OSCP1: variants seen among roughly 807,000 people sequenced by gnomAD.
OSCP1 encodes the protein organic solute carrier partner 1, also known as protein OSCP1.
A neutral mutation model predicts 45.1 loss-of-function variants in OSCP1; 35 were observed. The ratio of observed to expected loss-of-function variants is 0.78; its 90% CI spans 0.59 to 1.03. OSCP1 has a LOEUF of 1.03. Among genes scored for constraint, OSCP1 ranks in the 50% least tolerant of loss-of-function variants. OSCP1 has a pLI of 0.00. For synonymous variants in OSCP1, 179 were observed against 180.1 expected (o/e 0.99, Z 0.05); for missense variants, 400 against 470.7 (o/e 0.85, Z 1.39).
At chr1:36,431,582 C>T (rs1052422840) in intron 4 of OSCP1, among the ~76,000 whole-genome samples, 2 of 151,260 alleles carry the variant, frequency 1.3e-5, no homozygotes, top group Non-Finnish European at 2.9e-5. Flanking sequence ...TTCCAAGAAA[C>T]TCACAAGGTA....
chr1:36,418,679 G>T, intron 9 of OSCP1: 2 of 348,300 alleles, frequency 5.7e-6, no homozygotes, highest in South Asian at 9.7e-5. Context: ...CACTTTGGGA[G>T]GCCAAGGCGG....
At chr1:36,434,281 A>G (rs1648566340) in intron 2 of OSCP1, among the ~76,000 whole-genome samples, 1 of 152,250 alleles carries the variant, frequency 6.6e-6, no homozygotes, top group South Asian at 2.1e-4. Context: ...TCTATGAGGT[A>G]GGTATTAGCC....
intron 1 of OSCP1, among the ~76,000 whole-genome samples, chr1:36,439,538 T>C (rs1184393377): frequency 6.6e-6 from 1 of 152,122 alleles, no homozygotes; most frequent in African/African-American, 2.4e-5. Flanking sequence ...AAAATTCCTA[T>C]AATTTTTAAA....
chr1:36,450,225 C>A (rs1557574718), intron 1 of OSCP1, 33 bp downstream of exon 1: 1 of 1,560,070 alleles, frequency 6.4e-7, no homozygotes, highest in Non-Finnish European at 8.8e-7. Flanking sequence ...CTGCTGGCTG[C>A]GGGTCTGGCT....
At chr1:36,429,529 C>T (rs1415352301) in intron 4 of OSCP1, among the ~76,000 whole-genome samples, 1 of 103,580 alleles carries the variant, frequency 9.7e-6, no homozygotes, top group Admixed American at 1.1e-4. Flanking sequence ...AATTCAGAAG[C>T]TTAGAATTTT....
At chr1:36,430,898 G>A (rs747578083) in intron 4 of OSCP1, among the ~76,000 whole-genome samples, 1 of 152,136 alleles carries the variant, frequency 6.6e-6, no homozygotes, top group African/African-American at 2.4e-5. Context: ...CAGGTGATCT[G>A]CCCACCTTGT....
At chr1:36,431,074 AAGTC>A (rs1648334864) in intron 4 of OSCP1, among the ~76,000 whole-genome samples, 2 of 152,158 alleles carry the variant, frequency 1.3e-5, no homozygotes, top group African/African-American at 2.4e-5. Context: ...AGAAATGAGA[AAGTC>A]AGGGCAGCAC....
At chr1:36,433,845 T>C (rs527300336) in intron 2 of OSCP1, among the ~76,000 whole-genome samples, 6 of 152,270 alleles carry the variant, frequency 3.9e-5, no homozygotes, top group African/African-American at 1.2e-4. Context: ...ACCTGGTTCC[T>C]GAAAAGATTA....
In OSCP1 at chr1:36,440,507, C is replaced by T. The variant is rs115678312; in HGVS notation, c.113-1597G>A. ...GATCCTATTACTCAGTGAGGGAGAA[C>T]CAAATCCATTACCAACACAGGATGT... is the stretch of plus-strand genomic sequence containing the variant. On this transcript the variant is annotated intron_variant, in intron 1 of 9. Transcript: ENST00000235532. 4.7e-3 allele frequency among the ~76,000 whole-genome samples: 709 copies of T among 152,262 alleles called. 8 individuals carry two copies. Among genetic ancestry groups the T allele is most frequent in the African/African-American group, 0.017 (690 of 41,552 alleles).
At chr1:36,449,990 T>C (rs1271447918) in intron 1 of OSCP1, among the ~76,000 whole-genome samples, 1 of 148,938 alleles carries the variant, frequency 6.7e-6, no homozygotes, top group Non-Finnish European at 1.5e-5. Flanking sequence ...GACTGGGAAA[T>C]CACCTCTCCC....
At chr1:36,426,472 C>T (rs960300780) in intron 4 of OSCP1, among the ~76,000 whole-genome samples, 3 of 152,192 alleles carry the variant, frequency 2.0e-5, no homozygotes, top group African/African-American at 7.2e-5. Flanking sequence ...GGCACTGACC[C>T]ATCCATCCCA....
At chr1:36,422,747 C>T in intron 6 of OSCP1, 21 bp downstream of exon 6, 4 of 1,532,392 alleles carry the variant, frequency 2.6e-6, no homozygotes, top group Admixed American at 1.9e-5. Flanking sequence ...CTTGAATTCA[C>T]TCAGAGAAGA....
intron 8 of OSCP1, among the ~76,000 whole-genome samples, chr1:36,420,044 T>C (rs1271654485): frequency 2.0e-5 from 3 of 151,210 alleles, no homozygotes; most frequent in Admixed American, 6.6e-5. Context: ...GGTGCAGTCT[T>C]GGCTCACTGC....
chr1:36,441,443 G>GT (rs1416584977), intron 1 of OSCP1, among the ~76,000 whole-genome samples: 8 of 151,998 alleles, frequency 5.3e-5, no homozygotes, highest in African/African-American at 7.3e-5. Flanking sequence ...CTGAGAAATA[G>GT]TTTTTTTAAA....
At position 36,426,328 on chromosome 1, in the gene OSCP1, C is replaced by T. The variant is rs1397595022; in HGVS notation, c.517-2862G>A. Among the ~76,000 whole-genome samples the T allele has an allele frequency of 3.3e-5, 5 of 152,110 alleles. No homozygotes were observed. The East Asian group carries it at 9.6e-4, about 29-fold the overall frequency. On this transcript the variant is annotated intron_variant, in intron 4 of 9. Coordinates refer to ENST00000235532, the MANE Select transcript of OSCP1 (RefSeq NM_145047.5). ...GGACTGTTAGGTCTGTTTGCTTGCT[C>T]AGCCCCTCTGCTGGCCTTTTCTTCT...
At chr1:36,419,552 CACGCCAAAT>C (rs1360887783) in intron 8 of OSCP1, among the ~76,000 whole-genome samples, 15 of 152,064 alleles carry the variant, frequency 9.9e-5, no homozygotes, top group Non-Finnish European at 1.8e-4. Context: ...AGGTGACACT[CACGCCAAAT>C]ACTTGGTTTT....
At chr1:36,426,032 C>G (rs908785002) in intron 4 of OSCP1, among the ~76,000 whole-genome samples, 1 of 152,030 alleles carries the variant, frequency 6.6e-6, no homozygotes, top group African/African-American at 2.4e-5. Flanking sequence ...GTGTGAGTCA[C>G]GTTTTCAGGG....
Position 36,418,099 on chromosome 1 carries a change from C to T in OSCP1, c.*40G>A, listed in dbSNP as rs1647380272. The T allele has an allele frequency of 1.3e-6, 2 of 1,566,196 alleles. No individual in the cohort carries two copies. Among genetic ancestry groups the T allele is most frequent in the East Asian group, 4.5e-5 (2 of 44,546 alleles). Reference sequence around the variant, plus strand: ...GCATTCCCCAGGGGTCACCATCCAGCAGCCTCTCCCTGGGGGCAGAGGACG... The same window carrying T: ...GCATTCCCCAGGGGTCACCATCCAGTAGCCTCTCCCTGGGGGCAGAGGACG... On this transcript the variant is annotated 3_prime_UTR_variant, in exon 10 of 10. Coordinates refer to ENST00000235532, the MANE Select transcript of OSCP1 (RefSeq NM_145047.5).
At chr1:36,433,587 C>T (rs1364596638) in intron 2 of OSCP1, among the ~76,000 whole-genome samples, 1 of 152,132 alleles carries the variant, frequency 6.6e-6, no homozygotes, top group East Asian at 1.9e-4. Context: ...GTACCCCAGA[C>T]CTCAGGATCA....
Sources: allele counts gnomAD v4.1 joint callset (sites outside exome capture counted in the v4.1 genomes callset), GRCh38; gene constraint gnomAD v4.1.1; transcripts MANE v1.5; gene names NCBI Gene and HGNC (gene_info 2026-07-23, HGNC 2026-07-21).